The following GPHN variants were observed in gnomAD, a reference collection of about 807,000 sequenced individuals.
GPHN encodes the protein gephyrin.
In GPHN, 17 loss-of-function variants were observed where a neutral mutation model predicts 95.5. The observed-to-expected ratio is 0.18, with a 90% CI of 0.12 to 0.27. The LOEUF (loss-of-function observed/expected upper bound fraction) is 0.27. Ranked by LOEUF, GPHN falls within the 10% of genes least tolerant of loss-of-function variation. The probability of loss-of-function intolerance (pLI) is 1.00; values close to 1 mark genes in which losing one functional copy is unlikely to be tolerated. For synonymous variants in GPHN, 320 were observed against 322.5 expected (o/e 0.99, Z 0.08); for missense variants, 660 against 978.1 (o/e 0.67, Z 4.34).
the GPHN span, chr14:67,292,810 G>T: frequency 2.1e-6 from 2 of 958,006 alleles, no homozygotes; most frequent in Non-Finnish European, 3.1e-6. Flanking sequence ...GTGACTATAA[G>T]ATTTGTTTGA....
rs192425474 is a variant in GPHN, at chr14:66,653,241, G to T, written c.65-27866G>T. On this transcript the variant is annotated intron_variant, in intron 1 of 22. Transcript: ENST00000478722. ...TGGTTTACTGGATATTTTGGGTTCAGTGAAGTGGGAGAGGCACTTTCTGGC... is the reference window on the plus strand; with the variant it reads ...TGGTTTACTGGATATTTTGGGTTCATTGAAGTGGGAGAGGCACTTTCTGGC... 3.9e-5 allele frequency among the ~76,000 whole-genome samples: 6 copies of T among 152,292 alleles called. No individual in the cohort carries two copies. In the East Asian group the frequency reaches 1.2e-3, roughly 29 times the overall value.
intron 18 of GPHN, among the ~76,000 whole-genome samples, chr14:67,158,040 T>C (rs1324973901): frequency 6.6e-6 from 1 of 151,766 alleles, no homozygotes; most frequent in Non-Finnish European, 1.5e-5. Context: ...GGTGCAGTGG[T>C]TCACGCCTGT....
chr14:67,643,485 T>C, the GPHN span, among the ~76,000 whole-genome samples: 1 of 152,188 alleles, frequency 6.6e-6, no homozygotes, highest in Non-Finnish European at 1.5e-5. Flanking sequence ...GTGGTAGATA[T>C]GGTTTTATCA....
At chr14:67,725,873 T>C in the GPHN span, among the ~76,000 whole-genome samples, 2 of 152,222 alleles carry the variant, frequency 1.3e-5, no homozygotes, top group African/African-American at 4.8e-5. Context: ...GGATAGTTAT[T>C]GAGTGCTGAG....
At chr14:67,078,618 T>G (rs2076581100) in intron 11 of GPHN, among the ~76,000 whole-genome samples, 1 of 152,154 alleles carries the variant, frequency 6.6e-6, no homozygotes. Context: ...GTTAAGTAAT[T>G]TGCAGTACTA....
intron 1 of GPHN, among the ~76,000 whole-genome samples, chr14:66,670,986 T>C (rs1338081899): frequency 1.3e-5 from 2 of 152,156 alleles, no homozygotes; most frequent in African/African-American, 4.8e-5. Context: ...TTTACTAATA[T>C]GAAGAATGAA....
intron 1 of GPHN, among the ~76,000 whole-genome samples, chr14:66,543,593 T>A (rs1287641417): frequency 6.6e-6 from 1 of 152,194 alleles, no homozygotes. Flanking sequence ...CTTAGTGACT[T>A]AATTAATATA....
At chr14:66,513,960 G>A (rs1181213900) in intron 1 of GPHN, among the ~76,000 whole-genome samples, 1 of 151,776 alleles carries the variant, frequency 6.6e-6, no homozygotes, top group Non-Finnish European at 1.5e-5. Context: ...AATTTACCAT[G>A]CTTTAAAAAG....
the GPHN span, among the ~76,000 whole-genome samples, chr14:67,566,157 C>T: frequency 0.38 from 58,336 of 151,946 alleles, 11,563 homozygotes; most frequent in Non-Finnish European, 0.42. Context: ...GGCACACAGC[C>T]CTAGACTTTT....
chr14:66,832,359 A>G (rs2061612150), intron 4 of GPHN, among the ~76,000 whole-genome samples: 1 of 152,192 alleles, frequency 6.6e-6, no homozygotes, highest in Non-Finnish European at 1.5e-5. Context: ...TCATTTAATT[A>G]ACAGTACTAC....
chr14:66,842,254 C>T (rs1417636351), intron 4 of GPHN, among the ~76,000 whole-genome samples: 1 of 151,976 alleles, frequency 6.6e-6, no homozygotes, highest in Non-Finnish European at 1.5e-5. Context: ...TATTACTGCC[C>T]CTGATTCTTT....
chr14:67,033,083 T>C (rs1430851664), intron 10 of GPHN, among the ~76,000 whole-genome samples: 2 of 151,930 alleles, frequency 1.3e-5, no homozygotes, highest in African/African-American at 2.4e-5. Context: ...TTAGAAACTA[T>C]TAAAAAAGAA....
chr14:66,833,062 T>C (rs571995638), intron 4 of GPHN, among the ~76,000 whole-genome samples: 5 of 152,218 alleles, frequency 3.3e-5, no homozygotes, highest in African/African-American at 9.6e-5. Flanking sequence ...GCTAGAGAGG[T>C]ACCAAATACA....
the GPHN span, among the ~76,000 whole-genome samples, chr14:67,257,475 C>G: frequency 6.6e-6 from 1 of 152,014 alleles, no homozygotes; most frequent in African/African-American, 2.4e-5. Context: ...CTGATACTTA[C>G]TTTGCTTTCA....
At chr14:66,827,960 A>ATT (rs1175018048) in intron 4 of GPHN, among the ~76,000 whole-genome samples, 22 of 152,118 alleles carry the variant, frequency 1.4e-4, no homozygotes, top group African/African-American at 4.8e-4. Flanking sequence ...TTTGAAAACT[A>ATT]TTGAGGTGCT....
the GPHN span, among the ~76,000 whole-genome samples, chr14:67,620,289 G>C: frequency 4.0e-5 from 6 of 151,032 alleles, no homozygotes; most frequent in Non-Finnish European, 8.9e-5. Context: ...GGGAGGGAGG[G>C]AGGGGTGGAG....
At chr14:67,685,218 G>T in the GPHN span, 1 of 1,604,580 alleles carries the variant, frequency 6.2e-7, no homozygotes, top group Non-Finnish European at 8.5e-7. Flanking sequence ...GTTGGGGGTG[G>T]CATGAAGAGA....
the GPHN span, among the ~76,000 whole-genome samples, chr14:67,420,296 G>A: frequency 2.0e-5 from 3 of 152,188 alleles, no homozygotes; most frequent in Non-Finnish European, 4.4e-5. Context: ...CTCCGCCTCT[G>A]GGAGATGCTG....
At chr14:67,374,373 A>G in the GPHN span, 1 of 599,580 alleles carries the variant, frequency 1.7e-6, no homozygotes, top group Non-Finnish European at 2.8e-6. Flanking sequence ...AATTATAAGT[A>G]TGCCAATCAA....
Sources: gnomAD v4.1 joint callset for allele counts (sites outside exome capture counted in the v4.1 genomes callset) on GRCh38, gnomAD v4.1.1 for gene constraint, MANE v1.5 for transcripts, NCBI Gene and HGNC (gene_info 2026-07-23, HGNC 2026-07-21) for gene names.